Variants in FLT1 observed in about 807,000 individuals in gnomAD.
FLT1 encodes fms related receptor tyrosine kinase 1.
Under a neutral mutation model 156.3 loss-of-function variants are expected in FLT1, and 49 were observed. That is an observed-to-expected ratio of 0.31 (90% CI 0.25 to 0.40). The LOEUF (loss-of-function observed/expected upper bound fraction) is 0.40, where lower values mean the gene tolerates loss of function less well. FLT1 is among the 10% of genes least tolerant of loss of function. FLT1 has a pLI of 1.00. For missense variants in FLT1, 1,322 were observed against 1,637.2 expected (o/e 0.81, Z 3.32); for synonymous variants, 594 against 583.8 (o/e 1.02, Z -0.25).
intron 23 of FLT1, among the ~76,000 whole-genome samples, chr13:28,320,561 C>T (rs1444790857): frequency 6.6e-6 from 1 of 150,560 alleles, no homozygotes; most frequent in Admixed American, 6.6e-5. Context: ...TTTTTTTTAG[C>T]TCATCAGCTA....
intron 29 of FLT1, among the ~76,000 whole-genome samples, chr13:28,306,383 A>T (rs1870750325): frequency 6.6e-6 from 1 of 152,120 alleles, no homozygotes; most frequent in African/African-American, 2.4e-5. Flanking sequence ...TGTCTGCACC[A>T]CGCATAGGTG....
At chr13:28,405,240 T>C (rs1374330925) in intron 11 of FLT1, among the ~76,000 whole-genome samples, 8 of 152,172 alleles carry the variant, frequency 5.3e-5, no homozygotes, top group Non-Finnish European at 1.5e-5. Flanking sequence ...GGAATCTTGA[T>C]AGATTGTGTG....
chr13:28,443,882 C>T lies in FLT1; in HGVS notation c.389-5537G>A, dbSNP rs148230149. Among the ~76,000 whole-genome samples the T allele has an allele frequency of 1.4e-4, 22 of 152,234 alleles. No homozygotes were observed. In the East Asian group the frequency reaches 2.7e-3, roughly 19 times the overall value. ...ACTCAAAACAGAGCTTTGGAGCAAC[C>T]ACAAGAAAGTTGGAGTAGTTATACT... On this transcript the variant is annotated intron_variant, in intron 3 of 29. Transcript: ENST00000282397.
intron 3 of FLT1, among the ~76,000 whole-genome samples, chr13:28,460,672 C>G (rs1434197002): frequency 7.1e-6 from 1 of 140,048 alleles, no homozygotes; most frequent in African/African-American, 2.6e-5. Flanking sequence ...CCCCACCCCC[C>G]CAAAAAATCA....
intron 25 of FLT1, among the ~76,000 whole-genome samples, chr13:28,316,610 C>T (rs535274335): frequency 2.3e-4 from 35 of 151,894 alleles, no homozygotes; most frequent in Non-Finnish European, 4.7e-4. Flanking sequence ...CAGCTTCAGA[C>T]AGCTGCTGGG....
At chr13:28,472,153 A>G (rs1880213814) in intron 1 of FLT1, among the ~76,000 whole-genome samples, 1 of 152,222 alleles carries the variant, frequency 6.6e-6, no homozygotes, top group South Asian at 2.1e-4. Context: ...CCTTTCGCAC[A>G]TGCTAGACCT....
intron 27 of FLT1, among the ~76,000 whole-genome samples, chr13:28,310,497 A>C (rs766174624): frequency 1.8e-4 from 28 of 152,190 alleles, no homozygotes; most frequent in Non-Finnish European, 2.6e-4. Flanking sequence ...TCTGGGCGTA[A>C]GAGGAGTTGA....
Position 28,431,299 on chromosome 13 carries a change from T to A in FLT1, c.825A>T (p.Arg275Ser), listed in dbSNP as rs759508113. ...GGTCAATTCGTCGCCTTACGGAAGC[T>A]CTCTTATTTTTCTAGAAAGAAAATG... ...TWSYPDEKNK[R>S]ASVRRRIDQS... The change falls in exon 7 of 30, where the codon AGA (arginine) becomes AGT (serine). Residue 275 changes from arginine (R) to serine (S), a missense_variant. By Grantham distance (110) the Arg-to-Ser change is moderately radical (BLOSUM62 -1). Transcript: ENST00000282397. 1.2e-6 allele frequency: 2 copies of A among 1,613,002 alleles called. No homozygotes were observed. The highest frequency in any genetic ancestry group is 2.2e-5 in the South Asian group (2 of 91,062).
At chr13:28,375,366 C>T (rs752159019) in intron 14 of FLT1, among the ~76,000 whole-genome samples, 2 of 142,220 alleles carry the variant, frequency 1.4e-5, no homozygotes, top group Admixed American at 7.5e-5. Context: ...TTGCAGAAAG[C>T]GCATAAAGCA....
At chr13:28,475,086 T>C (rs575831702) in intron 1 of FLT1, among the ~76,000 whole-genome samples, 1 of 152,316 alleles carries the variant, frequency 6.6e-6, no homozygotes, top group African/African-American at 2.4e-5. Context: ...CACTACCTAA[T>C]AGTAGAAGTT....
chr13:28,485,050 G>A (rs76126323), intron 1 of FLT1, among the ~76,000 whole-genome samples: 2,262 of 152,048 alleles, frequency 0.015, 67 homozygotes, highest in African/African-American at 0.051. Flanking sequence ...CCTGCATGTT[G>A]TGCACATGTA....
intron 14 of FLT1, among the ~76,000 whole-genome samples, chr13:28,373,425 T>C (rs942237189): frequency 1.3e-5 from 2 of 152,232 alleles, no homozygotes; most frequent in African/African-American, 4.8e-5. Context: ...GTTCACTGAC[T>C]AGTTATCTGA....
intron 13 of FLT1, chr13:28,389,487 G>T: frequency 7.1e-7 from 1 of 1,406,312 alleles, no homozygotes; most frequent in South Asian, 1.7e-5. Context: ...GCAGTGCAGG[G>T]ATCCTCCAAA....
In FLT1 at chr13:28,439,647, G is replaced by A. The variant is rs1878231089; in HGVS notation, c.389-1302C>T. Among the ~76,000 whole-genome samples the A allele has an allele frequency of 1.3e-5, 2 of 152,216 alleles. No homozygotes were observed. The highest frequency in any genetic ancestry group is 6.5e-5 in the Admixed American group (1 of 15,284). On this transcript the variant is annotated intron_variant, in intron 3 of 29. Transcript: ENST00000282397. The surrounding 1 kb of genome is among the most constrained non-coding windows in gnomAD (Gnocchi z 4.1). ...GAGGGCTCCTCATCCAATGTGATTAGCATCCTTGTAAGAAGGCAGTCATGT... is the reference window on the plus strand; with the variant it reads ...GAGGGCTCCTCATCCAATGTGATTAACATCCTTGTAAGAAGGCAGTCATGT...
At chr13:28,461,813 T>G (rs145517566) in intron 3 of FLT1, among the ~76,000 whole-genome samples, 1 of 152,304 alleles carries the variant, frequency 6.6e-6, no homozygotes, top group East Asian at 1.9e-4. Context: ...ATATACCCAA[T>G]GTGTCCGATA....
Position 28,322,740 on chromosome 13 carries a change from A to G in FLT1, c.2953+50T>C, listed in dbSNP as rs1264759818. On this transcript the variant is annotated intron_variant, in intron 21 of 29. Transcript: ENST00000282397. This position sits in a 1 kb window ranked among gnomAD's most constrained non-coding sequence, Gnocchi z 4.3. ...GAAAAAAATTTCAGAGATGCATAGTATGTTGTAAAAATATCTCAGCGCGTA... is the reference window on the plus strand; with the variant it reads ...GAAAAAAATTTCAGAGATGCATAGTGTGTTGTAAAAATATCTCAGCGCGTA... The G allele has an allele frequency of 1.3e-6, 2 of 1,568,548 alleles. No individual in the cohort carries two copies. The highest frequency in any genetic ancestry group is 8.8e-7 in the Non-Finnish European group (1 of 1,140,416).
intron 10 of FLT1, among the ~76,000 whole-genome samples, chr13:28,424,671 G>A (rs1354729809): frequency 6.6e-6 from 1 of 152,114 alleles, no homozygotes; most frequent in Non-Finnish European, 1.5e-5. Flanking sequence ...GAATGCTTTG[G>A]CCGTGGATAT....
At chr13:28,488,114 G>T (rs1239566963) in intron 1 of FLT1, among the ~76,000 whole-genome samples, 2 of 151,930 alleles carry the variant, frequency 1.3e-5, no homozygotes, top group African/African-American at 4.8e-5. Context: ...AAGAGGAAAT[G>T]GGACCAGGCG....
chr13:28,436,709 A>G (rs910067667), intron 4 of FLT1, among the ~76,000 whole-genome samples: 4 of 152,212 alleles, frequency 2.6e-5, no homozygotes, highest in Non-Finnish European at 5.9e-5. Flanking sequence ...TGACTTGGTA[A>G]TATACCAAGT....
Sources: gnomAD v4.1 joint callset for allele counts (sites outside exome capture counted in the v4.1 genomes callset) on GRCh38, gnomAD v4.1.1 for gene constraint, Gnocchi (gnomAD v3.1) non-coding constraint, MANE v1.5 for transcripts, NCBI Gene and HGNC (gene_info 2026-07-23, HGNC 2026-07-21) for gene names.